The following EXOC6B variants were observed in gnomAD, a reference collection of about 807,000 sequenced individuals.
The protein encoded by EXOC6B is exocyst complex component 6B, also known as SEC15 homolog B.
EXOC6B carries 54 observed loss-of-function variants against 113.5 expected under a neutral mutation model. The observed-to-expected ratio is 0.48, with a 90% CI of 0.38 to 0.60. EXOC6B has a LOEUF of 0.60. EXOC6B is among the 20% of genes least tolerant of loss of function. The probability of loss-of-function intolerance (pLI) is 0.00; values close to 1 mark genes in which losing one functional copy is unlikely to be tolerated. For synonymous variants in EXOC6B, 357 were observed against 339.0 expected, an observed-to-expected ratio of 1.05 and a Z score of -0.58; for missense variants, 797 against 977.5, an observed-to-expected ratio of 0.82 and a Z score of 2.46.
chr2:72,265,284 G>A (rs1298161207), intron 20 of EXOC6B, among the ~76,000 whole-genome samples: 1 of 142,350 alleles, frequency 7.0e-6, no homozygotes, highest in African/African-American at 2.8e-5. Flanking sequence ...TTAAGTTTGA[G>A]GGTACATGTG....
chr2:72,317,832 A>G (rs1438707610), intron 20 of EXOC6B, among the ~76,000 whole-genome samples: 1 of 152,182 alleles, frequency 6.6e-6, no homozygotes, highest in Non-Finnish European at 1.5e-5. Flanking sequence ...AAAGACTACT[A>G]TAGTAGCTTA....
chr2:72,652,692 C>A (rs1674275291), intron 6 of EXOC6B, among the ~76,000 whole-genome samples: 1 of 148,066 alleles, frequency 6.8e-6, no homozygotes, highest in South Asian at 2.1e-4. Context: ...TGATTGTATA[C>A]ATTATGAGAT....
At chr2:72,499,835 A>C (rs1700230960) in intron 12 of EXOC6B, 66 bp downstream of exon 12, 1 of 1,145,938 alleles carries the variant, frequency 8.7e-7, no homozygotes, top group Non-Finnish European at 1.3e-6. Flanking sequence ...GACCCAGTCA[A>C]GAAAAAGGTT....
intron 8 of EXOC6B, among the ~76,000 whole-genome samples, chr2:72,529,959 T>C (rs1701915601): frequency 1.3e-5 from 2 of 152,292 alleles, no homozygotes; most frequent in African/African-American, 4.8e-5. Context: ...ATCAATAGTG[T>C]CTCTATTGAT....
chr2:72,575,615 A>G lies in EXOC6B; in HGVS notation c.723T>C (p.Gly241=), dbSNP rs771877488. ...DNIVLQQPRI[G]SKRKSKKDAY... ...CATCTTTCTTAGATTTCCTCTTGCT[A>G]CCTATTCTGGGTTGTTGCAAGACGA... The change falls in exon 7 of 22, where the codon GGT becomes GGC. Residue 241 remains glycine (G), a synonymous_variant. Transcript: ENST00000272427. The G allele has an allele frequency of 1.2e-6, 2 of 1,609,860 alleles. No homozygotes were observed. Among genetic ancestry groups the G allele is most frequent in the East Asian group, 2.2e-5 (1 of 44,574 alleles).
At chr2:72,475,685 T>C (rs1452365162) in intron 17 of EXOC6B, among the ~76,000 whole-genome samples, 1 of 152,104 alleles carries the variant, frequency 6.6e-6, no homozygotes, top group Admixed American at 6.5e-5. Flanking sequence ...AATGCTCTGA[T>C]GGTAGGTGGC....
chr2:72,239,886 T>C (rs1158425744), intron 20 of EXOC6B, among the ~76,000 whole-genome samples: 1 of 152,106 alleles, frequency 6.6e-6, no homozygotes, highest in Non-Finnish European at 1.5e-5. Context: ...AATTTATTAC[T>C]ATGTATTAAT....
chr2:72,385,374 TTAAACA>T (rs1264653740), intron 18 of EXOC6B, among the ~76,000 whole-genome samples: 1 of 151,212 alleles, frequency 6.6e-6, no homozygotes, highest in Non-Finnish European at 1.5e-5. Context: ...GATTAAAGAC[TTAAACA>T]TAAGACCTGA....
At chr2:72,635,063 A>G (rs980389686) in intron 6 of EXOC6B, among the ~76,000 whole-genome samples, 1 of 152,152 alleles carries the variant, frequency 6.6e-6, no homozygotes, top group African/African-American at 2.4e-5. Context: ...GATATAGCTA[A>G]TGCAAGGAGG....
intron 6 of EXOC6B, among the ~76,000 whole-genome samples, chr2:72,664,612 C>T (rs559517981): frequency 6.6e-6 from 1 of 152,332 alleles, no homozygotes; most frequent in South Asian, 2.1e-4. Flanking sequence ...TAGGCGCTCA[C>T]CCTTCAAGGC....
chr2:72,734,614 G>A (rs978192940), intron 2 of EXOC6B, among the ~76,000 whole-genome samples: 18 of 152,274 alleles, frequency 1.2e-4, no homozygotes, highest in African/African-American at 2.9e-4. Context: ...GCTGTGTTCC[G>A]ATAAAACTTT....
intron 6 of EXOC6B, among the ~76,000 whole-genome samples, chr2:72,698,203 G>C (rs1188063228): frequency 6.6e-6 from 1 of 152,142 alleles, no homozygotes. Context: ...ATGACACAGA[G>C]CACAGGTGGA....
In EXOC6B at chr2:72,741,467, G is replaced by A. The variant is rs1363908219; in HGVS notation, c.116C>T (p.Ser39Phe). The change falls in exon 2 of 22, where the codon TCT becomes TTT. Residue 39 changes from serine to phenylalanine, a missense_variant and splice_region_variant. Physicochemically the swap from Ser to Phe is radical, Grantham distance 155. Coordinates refer to ENST00000272427, the MANE Select transcript of EXOC6B (RefSeq NM_015189.3). ...DTACIGPTLR[S>F]VYDGEEHGRF... ...TCCATGTTCTTCACCATCATAAACA[G>A]ACCTTTAAAAAAAAATGGCACGAAG... 4 of 1,595,942 alleles carry A rather than the reference G, an allele frequency of 2.5e-6. No homozygotes were observed. Among genetic ancestry groups the A allele is most frequent in the Admixed American group, 1.8e-5 (1 of 55,222 alleles).
intron 17 of EXOC6B, among the ~76,000 whole-genome samples, chr2:72,473,670 C>T (rs1398788353): frequency 6.6e-6 from 1 of 151,908 alleles, no homozygotes; most frequent in Non-Finnish European, 1.5e-5. Flanking sequence ...TCAATTTACA[C>T]CCAAAATTAT....
intron 1 of EXOC6B, among the ~76,000 whole-genome samples, chr2:72,764,058 G>A (rs986841196): frequency 7.9e-5 from 12 of 152,128 alleles, no homozygotes; most frequent in South Asian, 2.1e-4. Context: ...CAGCATGGGC[G>A]ACAGAGCGAG....
intron 1 of EXOC6B, among the ~76,000 whole-genome samples, chr2:72,777,969 G>A (rs1292055487): frequency 6.6e-6 from 1 of 151,946 alleles, no homozygotes; most frequent in East Asian, 1.9e-4. Flanking sequence ...AATCAAATTG[G>A]TACACTAGAA....
At chr2:72,755,780 T>G (rs1206010774) in intron 1 of EXOC6B, among the ~76,000 whole-genome samples, 1 of 152,174 alleles carries the variant, frequency 6.6e-6, no homozygotes, top group East Asian at 1.9e-4. Context: ...CAACAAGACC[T>G]GGCTCTGAAG....
chr2:72,484,415 A>T (rs1391463946), intron 16 of EXOC6B, among the ~76,000 whole-genome samples: 1 of 151,216 alleles, frequency 6.6e-6, no homozygotes, highest in Non-Finnish European at 1.5e-5. Flanking sequence ...AAAAAAAAAA[A>T]ATTCAGCTGG....
intron 20 of EXOC6B, among the ~76,000 whole-genome samples, chr2:72,198,798 T>A (rs1163870795): frequency 6.6e-6 from 1 of 152,200 alleles, no homozygotes. Flanking sequence ...TTGCTTAAGC[T>A]ATGCCAGTAC....
Sources: gnomAD v4.1 joint callset for allele counts (sites outside exome capture counted in the v4.1 genomes callset) on GRCh38, gnomAD v4.1.1 for gene constraint, MANE v1.5 for transcripts, NCBI Gene and HGNC (gene_info 2026-07-23, HGNC 2026-07-21) for gene names.